LDLRAD4: variants seen among roughly 807,000 people sequenced by gnomAD.
LDLRAD4 encodes the protein low density lipoprotein receptor class A domain containing 4, also known as low-density lipoprotein receptor class A domain-containing protein 4.
In LDLRAD4, 5 loss-of-function variants were observed where a neutral mutation model predicts 17.0. The observed-to-expected ratio is 0.29, with a 90% CI of 0.15 to 0.62. The LOEUF is 0.62. Ranked by LOEUF, LDLRAD4 falls within the 20% of genes least tolerant of loss-of-function variation. LDLRAD4 has a pLI of 0.84. For synonymous variants in LDLRAD4, 168 were observed against 171.8 expected (o/e 0.98, Z 0.17); for missense variants, 340 against 424.7 (o/e 0.80, Z 1.75).
At chr18:13,315,180 C>G (rs2080863191) in intron 1 of LDLRAD4, among the ~76,000 whole-genome samples, 1 of 152,198 alleles carries the variant, frequency 6.6e-6, no homozygotes, top group Non-Finnish European at 1.5e-5. Context: ...GGGACTCAGC[C>G]TTGAACCCAC....
chr18:13,250,229 A>G (rs1316148950), intron 1 of LDLRAD4, among the ~76,000 whole-genome samples: 2 of 152,134 alleles, frequency 1.3e-5, no homozygotes, highest in Admixed American at 6.5e-5. Flanking sequence ...GCTTTATAGT[A>G]TATTTTGAGG....
chr18:13,362,781 A>G (rs186203466), intron 1 of LDLRAD4, among the ~76,000 whole-genome samples: 1 of 152,336 alleles, frequency 6.6e-6, no homozygotes, highest in African/African-American at 2.4e-5. Context: ...TGTGGGCAGG[A>G]AGGATCCTTC....
At chr18:13,275,700 A>G (rs767709067), upstream of LDLRAD4, among the ~76,000 whole-genome samples, 5 of 152,244 alleles carry the variant, frequency 3.3e-5, no homozygotes, top group Non-Finnish European at 5.9e-5. Context: ...TTCATATTAT[A>G]TGCCTGTATC....
chr18:13,420,613 A>AG (rs2089353063), intron 2 of LDLRAD4: 1 of 152,236 alleles, frequency 6.6e-6, no homozygotes, highest in Non-Finnish European at 1.5e-5. Flanking sequence ...TAGTGGAATC[A>AG]GGGTTTAAAC....
intron 2 of LDLRAD4, among the ~76,000 whole-genome samples, chr18:13,421,689 C>T (rs1452821883): frequency 6.6e-6 from 1 of 152,190 alleles, no homozygotes; most frequent in East Asian, 1.9e-4. Flanking sequence ...CTCCTGAGTT[C>T]CCCCTGCCCC....
intron 2 of LDLRAD4, among the ~76,000 whole-genome samples, chr18:13,402,528 A>C (rs923810692): frequency 1.3e-5 from 2 of 152,232 alleles, no homozygotes; most frequent in African/African-American, 4.8e-5. Context: ...TTCGTTTTTA[A>C]GTGAAAAACA....
intron 1 of LDLRAD4, among the ~76,000 whole-genome samples, chr18:13,343,022 T>A (rs2082464712): frequency 6.6e-6 from 1 of 151,616 alleles, no homozygotes; most frequent in Non-Finnish European, 1.5e-5. Context: ...GTCTGTAGAT[T>A]TTTTTTTGTG....
chr18:13,352,202 A>C (rs2083079897), intron 1 of LDLRAD4, among the ~76,000 whole-genome samples: 1 of 152,230 alleles, frequency 6.6e-6, no homozygotes, highest in Admixed American at 6.5e-5. Context: ...GAAAACCAGC[A>C]CAAGACAAGG....
chr18:13,400,417 C>G (rs2087072499), intron 2 of LDLRAD4, among the ~76,000 whole-genome samples: 1 of 152,092 alleles, frequency 6.6e-6, no homozygotes, highest in South Asian at 2.1e-4. Flanking sequence ...GGGTCAGAGT[C>G]CAGGGGTGAG....
At chr18:13,474,434 A>G (rs2092883309) in intron 3 of LDLRAD4, among the ~76,000 whole-genome samples, 1 of 152,208 alleles carries the variant, frequency 6.6e-6, no homozygotes, top group African/African-American at 2.4e-5. Flanking sequence ...AAATGGAAGC[A>G]ACATTGGGAA....
At chr18:13,345,971 T>G (rs2082661689) in intron 1 of LDLRAD4, among the ~76,000 whole-genome samples, 1 of 152,216 alleles carries the variant, frequency 6.6e-6, no homozygotes, top group African/African-American at 2.4e-5. Flanking sequence ...CTTCTCTCTT[T>G]TCTTCTTTAT....
chr18:13,607,407 G>T (rs557250988), intron 3 of LDLRAD4, among the ~76,000 whole-genome samples: 1 of 152,190 alleles, frequency 6.6e-6, no homozygotes, highest in South Asian at 2.1e-4. Flanking sequence ...CCATTGAAAA[G>T]GTATTTCTAA....
chr18:13,476,241 G>A (rs575802919), intron 3 of LDLRAD4, among the ~76,000 whole-genome samples: 1 of 152,294 alleles, frequency 6.6e-6, no homozygotes, highest in African/African-American at 2.4e-5. Context: ...TTAACTTGGT[G>A]TGTACACCTC....
At chr18:13,620,935 G>T in intron 3 of LDLRAD4, 182 bp from the exon 5 acceptor site, 1 of 835,724 alleles carries the variant, frequency 1.2e-6, no homozygotes, top group South Asian at 1.6e-5. Flanking sequence ...ACAGCCTCCC[G>T]ACTGTGCCGT....
At chr18:13,611,823 T>G in intron 3 of LDLRAD4, 1 of 985,574 alleles carries the variant, frequency 1.0e-6, no homozygotes, top group South Asian at 4.7e-5. Flanking sequence ...TGTTTCCTGC[T>G]GCGGTTAGGA....
chr18:13,246,399 G>A (rs1567928844), intron 1 of LDLRAD4, among the ~76,000 whole-genome samples: 2 of 152,248 alleles, frequency 1.3e-5, no homozygotes, highest in East Asian at 1.9e-4. Context: ...TAACACCGTC[G>A]TGTTACCACG....
Position 13,622,993 on chromosome 18 carries a change from C to G in LDLRAD4, c.336+1722C>G, listed in dbSNP as rs975879676. Among the ~76,000 whole-genome samples, 1 of 152,206 alleles carries G rather than the reference C, an allele frequency of 6.6e-6. No homozygotes were observed. On this transcript the variant is annotated intron_variant, in intron 4 of 5. Transcript: ENST00000359446. This position sits in a 1 kb window ranked among gnomAD's most constrained non-coding sequence, Gnocchi z 5.3. ...GACTTGCCCTGGTGTTGGCTTCTCT[C>G]TCCCTAGTGTGGGTCAGGCAGCTCC...
intron 3 of LDLRAD4, among the ~76,000 whole-genome samples, chr18:13,511,461 G>A (rs932333975): frequency 2.0e-5 from 3 of 152,146 alleles, no homozygotes; most frequent in Non-Finnish European, 4.4e-5. Context: ...GTAGTGAGCC[G>A]AGATCGTGCC....
At chr18:13,383,013 C>T (rs1484198436) in intron 1 of LDLRAD4, among the ~76,000 whole-genome samples, 2 of 152,194 alleles carry the variant, frequency 1.3e-5, no homozygotes, top group African/African-American at 2.4e-5. Context: ...GCAGGCTCAC[C>T]ACTTGTAATC....
Sources: gnomAD v4.1 joint callset for allele counts (sites outside exome capture counted in the v4.1 genomes callset) on GRCh38, gnomAD v4.1.1 for gene constraint, Gnocchi (gnomAD v3.1) non-coding constraint, MANE v1.5 for transcripts, NCBI Gene and HGNC (gene_info 2026-07-23, HGNC 2026-07-21) for gene names.